NDUFA6: variants seen among roughly 807,000 people sequenced by gnomAD.
The protein encoded by NDUFA6 is NADH:ubiquinone oxidoreductase subunit A6.
In NDUFA6, 10 loss-of-function variants were observed where a neutral mutation model predicts 12.5. That is an observed-to-expected ratio of 0.80 (90% CI 0.49 to 1.35). The LOEUF is 1.35. Ranked by LOEUF, NDUFA6 falls within the 40% of genes most tolerant of loss-of-function variation. The pLI is 0.00. For synonymous variants in NDUFA6, 66 were observed against 63.0 expected (o/e 1.05, Z -0.23); for missense variants, 177 against 173.5 (o/e 1.02, Z -0.11).
In NDUFA6 at chr22:42,086,318, A is replaced by G. The variant is rs772820160; in HGVS notation, c.256-4T>C. The G allele has an allele frequency of 6.2e-7, 1 of 1,614,206 alleles. No homozygotes were observed. Among genetic ancestry groups the G allele is most frequent in the Non-Finnish European group, 8.5e-7 (1 of 1,180,038 alleles). On this transcript the variant is annotated splice_polypyrimidine_tract_variant and splice_region_variant and intron_variant, in intron 2 of 2. Transcript: ENST00000498737. Reference sequence around the variant, plus strand: ...TTTCTTCCAGTTCGATCTTTCCCTGAACAGTGAGGAGAGAGGTCATCAGTC... The same window carrying G: ...TTTCTTCCAGTTCGATCTTTCCCTGGACAGTGAGGAGAGAGGTCATCAGTC...
intron 1 of NDUFA6, among the ~76,000 whole-genome samples, chr22:42,090,321 A>G (rs1928555555): frequency 6.6e-6 from 1 of 152,146 alleles, no homozygotes; most frequent in Middle Eastern, 3.2e-3. Flanking sequence ...CTCACCCACA[A>G]AGTGAGTGTG....
intron 1 of NDUFA6, among the ~76,000 whole-genome samples, chr22:42,088,952 C>T (rs755662627): frequency 3.9e-5 from 6 of 152,102 alleles, no homozygotes; most frequent in African/African-American, 7.2e-5. Flanking sequence ...TGATCTTCCC[C>T]ATAGGGATGC....
At position 42,086,281 on chromosome 22, in the gene NDUFA6, A is replaced by G; in HGVS notation, c.289T>C (p.Trp97Arg). The part of the protein sequence containing the change: ...KIELEETIKV[W>R]KQRTHVMRFF... ...CGCATAACATGTGTCCGCTGCTTCC[A>G]TACTTTAATTGTTTCTTCCAGTTCG... The change falls in exon 3 of 3, where the codon TGG (tryptophan) becomes CGG (arginine). Residue 97 changes from tryptophan (W) to arginine (R), a missense_variant. Coordinates refer to ENST00000498737, the MANE Select transcript of NDUFA6 (RefSeq NM_002490.6). 1 of 1,614,200 alleles carries G rather than the reference A, an allele frequency of 6.2e-7. No individual in the cohort carries two copies. The highest frequency in any genetic ancestry group is 1.1e-5 in the South Asian group (1 of 91,090).
Position 42,085,736 on chromosome 22 carries a change from C to A in NDUFA6, c.*447G>T. The A allele has an allele frequency of 4.0e-6, 1 of 248,054 alleles. No homozygotes were observed. The highest frequency in any genetic ancestry group is 8.0e-6 in the Non-Finnish European group (1 of 124,894). 15.4% of individuals were successfully genotyped at this position (248,054 alleles called of 1,614,324 possible). ...TTTGCACATCCATTTTCTTCAGAAC[C>A]CAAGGAAAACTAGCCCATCTTGACA... On this transcript the variant is annotated 3_prime_UTR_variant, in exon 3 of 3. Coordinates refer to ENST00000498737, the MANE Select transcript of NDUFA6 (RefSeq NM_002490.6).
Position 42,087,179 on chromosome 22 carries a change from G to T in NDUFA6, c.140-4C>A. On this transcript the variant is annotated splice_region_variant and splice_polypyrimidine_tract_variant and intron_variant, in intron 1 of 2. Coordinates refer to ENST00000498737, the MANE Select transcript of NDUFA6 (RefSeq NM_002490.6). ...ATGTCCAGCTGGAATTGGTGCACTA[G>T]AGAGAAAAACATGACTCAGGGTAGA... The T allele has an allele frequency of 6.3e-7, 1 of 1,598,804 alleles. No individual in the cohort carries two copies. The highest frequency in any genetic ancestry group is 8.6e-7 in the Non-Finnish European group (1 of 1,166,110).
intron 1 of NDUFA6, among the ~76,000 whole-genome samples, chr22:42,087,731 G>A (rs889736887): frequency 2.0e-5 from 3 of 151,710 alleles, no homozygotes; most frequent in African/African-American, 7.3e-5. Context: ...GAACCCGGGA[G>A]GTGGACCTTG....
rs531161326 is a variant in NDUFA6, at chr22:42,090,531, T to C, written c.139+75A>G. 15 of 1,570,098 alleles carry C rather than the reference T, an allele frequency of 9.6e-6. No homozygotes were observed. The African/African-American group carries it at 1.5e-4, about 16-fold the overall frequency. On this transcript the variant is annotated intron_variant, in intron 1 of 2. Transcript: ENST00000498737. ...AAGTTGGTGACCTCAGCTGGGCCCA[T>C]GAGAAACCCCGGCCGGGCCGGCTAC...
At chr22:42,088,238 T>A (rs1242366911) in intron 1 of NDUFA6, among the ~76,000 whole-genome samples, 3 of 144,388 alleles carry the variant, frequency 2.1e-5, no homozygotes, top group Admixed American at 7.0e-5. Context: ...AAACCCCGTC[T>A]CTACTAAAAA....
rs1451844673 is a variant in NDUFA6 at position 42,090,164 on chromosome 22, G to A, written c.139+442C>T. The A allele has an allele frequency of 2.1e-5, 6 of 285,256 alleles. No individual in the cohort carries two copies. In the East Asian group the frequency reaches 3.5e-4, roughly 17 times the overall value. The allele number at this position is 285,256 out of a possible 1,614,324, so 17.7% of individuals were successfully genotyped here. ...ATCGCACCACTGCACTCCAGCCTGA[G>A]CGACACAGCGAGACTCTGTCACAAA... On this transcript the variant is annotated intron_variant, in intron 1 of 2. Coordinates refer to ENST00000498737, the MANE Select transcript of NDUFA6 (RefSeq NM_002490.6).
intron 1 of NDUFA6, chr22:42,090,162 G>A (rs771939710): frequency 1.1e-5 from 3 of 284,586 alleles, no homozygotes; most frequent in Non-Finnish European, 1.4e-5. Context: ...ACTCCAGCCT[G>A]AGCGACACAG....
intron 1 of NDUFA6, among the ~76,000 whole-genome samples, chr22:42,089,465 C>A (rs190543891): frequency 5.3e-5 from 8 of 152,078 alleles, no homozygotes; most frequent in Admixed American, 5.2e-4. Context: ...TCTAGTATCG[C>A]GTGGGTTTAA....
intron 1 of NDUFA6, among the ~76,000 whole-genome samples, chr22:42,090,181 T>C (rs973521811): frequency 3.9e-5 from 6 of 152,038 alleles, no homozygotes; most frequent in African/African-American, 9.7e-5. Context: ...AGCGAGACTC[T>C]GTCACAAACA....
intron 1 of NDUFA6, 58 bp downstream of exon 1, chr22:42,090,548 G>A: frequency 6.3e-7 from 1 of 1,598,966 alleles, no homozygotes; most frequent in South Asian, 1.1e-5. Flanking sequence ...CCCCGGCCGG[G>A]CCGGCTACGA....
chr22:42,086,459 T>C lies in NDUFA6; in HGVS notation c.256-145A>G, dbSNP rs1602517959. On this transcript the variant is annotated intron_variant, in intron 2 of 2. Coordinates refer to ENST00000498737, the MANE Select transcript of NDUFA6 (RefSeq NM_002490.6). ...CTACTCTGTCTGGGCAAAGTTTCTATGTCTGGACAATGAGGTGGTCAGGGT... is the reference window on the plus strand; with the variant it reads ...CTACTCTGTCTGGGCAAAGTTTCTACGTCTGGACAATGAGGTGGTCAGGGT... 10 of 1,024,706 alleles carry C rather than the reference T, an allele frequency of 9.8e-6. No individual in the cohort carries two copies. In the East Asian group the frequency reaches 2.2e-4, roughly 23 times the overall value. 63.5% of individuals were successfully genotyped at this position (1,024,706 alleles called of 1,614,324 possible). A position where few individuals can be genotyped will look rare whatever the true frequency, so the allele number is the denominator to read the frequency against.
rs1928221114 is a variant in NDUFA6, at chr22:42,086,131, G to C, written c.*52C>G. The C allele has an allele frequency of 1.9e-6, 3 of 1,613,494 alleles. No individual in the cohort carries two copies. Among genetic ancestry groups the C allele is most frequent in the Non-Finnish European group, 2.5e-6 (3 of 1,179,522 alleles). On this transcript the variant is annotated 3_prime_UTR_variant, in exon 3 of 3. Coordinates refer to ENST00000498737, the MANE Select transcript of NDUFA6 (RefSeq NM_002490.6). ...TCACAAAGTGACCATTGTATAGTGAGTTTATTTGTGCTCTAAAATAGTATC... is the reference window on the plus strand; with the variant it reads ...TCACAAAGTGACCATTGTATAGTGACTTTATTTGTGCTCTAAAATAGTATC...
rs1053656203 is a variant in NDUFA6 at position 42,085,603 on chromosome 22, T to C, written c.*580A>G. 2.4e-5 allele frequency: 4 copies of C among 166,278 alleles called. No homozygotes were observed. The highest frequency in any genetic ancestry group is 9.6e-5 in the African/African-American group (4 of 41,552). 10.3% of individuals were successfully genotyped at this position (166,278 alleles called of 1,614,324 possible). On this transcript the variant is annotated 3_prime_UTR_variant, in exon 3 of 3. Transcript: ENST00000498737. ...GGTTTCCAAAGACAGTAGGAATATTTCTGTTCTCTGTGTATATTGAACAGC... is the reference window on the plus strand; with the variant it reads ...GGTTTCCAAAGACAGTAGGAATATTCCTGTTCTCTGTGTATATTGAACAGC...
chr22:42,087,029 T>C, intron 2 of NDUFA6, 31 bp downstream of exon 2: 2 of 1,453,186 alleles, frequency 1.4e-6, no homozygotes, highest in Non-Finnish European at 1.9e-6. Context: ...AGTTGGCTGA[T>C]CTTTTAAATT....
chr22:42,090,397 G>C (rs1311727961), intron 1 of NDUFA6, among the ~76,000 whole-genome samples: 1 of 152,238 alleles, frequency 6.6e-6, no homozygotes, highest in Admixed American at 6.5e-5. Context: ...CCGATAGCAC[G>C]TACGAATGCT....
In NDUFA6 at chr22:42,085,730, C is replaced by A; in HGVS notation, c.*453G>T. Reference sequence around the variant, plus strand: ...CAAGCCTTTGCACATCCATTTTCTTCAGAACCCAAGGAAAACTAGCCCATC... The same window carrying A: ...CAAGCCTTTGCACATCCATTTTCTTAAGAACCCAAGGAAAACTAGCCCATC... On this transcript the variant is annotated 3_prime_UTR_variant, in exon 3 of 3. Transcript: ENST00000498737. The A allele has an allele frequency of 4.0e-6, 1 of 248,114 alleles. No individual in the cohort carries two copies. The highest frequency in any genetic ancestry group is 4.6e-5 in the South Asian group (1 of 21,560). The allele number at this position is 248,114 out of a possible 1,614,324, so 15.4% of individuals were successfully genotyped here.
Sources: gnomAD v4.1 joint callset for allele counts (sites outside exome capture counted in the v4.1 genomes callset) on GRCh38, gnomAD v4.1.1 for gene constraint, MANE v1.5 for transcripts, NCBI Gene and HGNC (gene_info 2026-07-23, HGNC 2026-07-21) for gene names.